FAM117A: variants seen among roughly 807,000 people sequenced by gnomAD.
FAM117A encodes protein FAM117A.
In FAM117A, 21 loss-of-function variants were observed where a neutral mutation model predicts 44.1. The ratio of observed to expected loss-of-function variants is 0.48; its 90% CI spans 0.34 to 0.69. FAM117A has a LOEUF of 0.69. Among genes scored for constraint, FAM117A ranks in the 30% least tolerant of loss-of-function variants. The pLI, the probability that FAM117A is intolerant of heterozygous loss-of-function variation, is 0.01. For synonymous variants in FAM117A, 220 were observed against 238.3 expected, an observed-to-expected ratio of 0.92 and a Z score of 0.71; for missense variants, 498 against 589.9, an observed-to-expected ratio of 0.84 and a Z score of 1.61.
intron 1 of FAM117A, among the ~76,000 whole-genome samples, chr17:49,745,567 A>G (rs1472672155): frequency 1.3e-5 from 2 of 152,216 alleles, no homozygotes; most frequent in East Asian, 1.9e-4. Flanking sequence ...GTGACATTTT[A>G]TGAAGTACAT....
intron 1 of FAM117A, among the ~76,000 whole-genome samples, chr17:49,778,179 G>A: frequency 6.6e-6 from 1 of 152,072 alleles, no homozygotes. Flanking sequence ...TTTTGCCTCT[G>A]GGGTTTCCCA....
At chr17:49,763,430 C>CA (rs2073730555) in intron 1 of FAM117A, among the ~76,000 whole-genome samples, 1 of 152,012 alleles carries the variant, frequency 6.6e-6, no homozygotes, top group Non-Finnish European at 1.5e-5. Flanking sequence ...GGAGAAGTAA[C>CA]ACACGGCTGC....
Position 49,751,802 on chromosome 17 carries a change from G to A in FAM117A, c.196+12090C>T, listed in dbSNP as rs777129118. Among the ~76,000 whole-genome samples the A allele has an allele frequency of 2.5e-4, 37 of 150,554 alleles. 1 individual carries two copies. The highest frequency in any genetic ancestry group is 2.1e-3 in the South Asian group (10 of 4,776). ...TACTAAAAATACAAAAAAATTAGCC[G>A]GCATGGTGGCGGGTGTCTGTAATCC... On this transcript the variant is annotated intron_variant, in intron 1 of 7. Transcript: ENST00000240364.
chr17:49,750,075 A>C (rs2073670214), intron 1 of FAM117A, among the ~76,000 whole-genome samples: 1 of 148,902 alleles, frequency 6.7e-6, no homozygotes, highest in African/African-American at 2.4e-5. Flanking sequence ...TCCATGTGTT[A>C]AGTATCTTCT....
chr17:49,744,901 C>T (rs1190979885), intron 1 of FAM117A, among the ~76,000 whole-genome samples: 5 of 150,226 alleles, frequency 3.3e-5, no homozygotes, highest in African/African-American at 1.2e-4. Context: ...GTAGGCCCAA[C>T]TACTCTGGAG....
At chr17:49,715,064 C>T (rs1054274816) in intron 7 of FAM117A, among the ~76,000 whole-genome samples, 5 of 152,170 alleles carry the variant, frequency 3.3e-5, no homozygotes, top group Non-Finnish European at 7.3e-5. Context: ...TTAATTTCCA[C>T]CCACATTTCC....
At chr17:49,731,810 G>C (rs567609061) in intron 2 of FAM117A, among the ~76,000 whole-genome samples, 1 of 152,016 alleles carries the variant, frequency 6.6e-6, no homozygotes, top group African/African-American at 2.4e-5. Context: ...TTTTGAGATG[G>C]AGTCTTGCTC....
At chr17:49,757,341 G>A (rs1197448098) in intron 1 of FAM117A, among the ~76,000 whole-genome samples, 1 of 152,132 alleles carries the variant, frequency 6.6e-6, no homozygotes, top group Non-Finnish European at 1.5e-5. Context: ...TGAAATACTT[G>A]GATAGCATTC....
At chr17:49,742,378 G>A (rs1054706430) in intron 1 of FAM117A, among the ~76,000 whole-genome samples, 3 of 152,206 alleles carry the variant, frequency 2.0e-5, no homozygotes, top group African/African-American at 7.2e-5. Flanking sequence ...CTTTGTAACA[G>A]TAAGGAGAAA....
intron 1 of FAM117A, among the ~76,000 whole-genome samples, chr17:49,784,002 C>T (rs1301953163): frequency 6.6e-6 from 1 of 152,162 alleles, no homozygotes; most frequent in Non-Finnish European, 1.5e-5. Flanking sequence ...TTGGTGCCAC[C>T]CCAATTACTA....
chr17:49,727,699 G>A (rs962937632), intron 2 of FAM117A, among the ~76,000 whole-genome samples: 3 of 152,134 alleles, frequency 2.0e-5, no homozygotes, highest in African/African-American at 4.8e-5. Context: ...GAGGAGGGGC[G>A]GGATGAAGCT....
chr17:49,771,690 C>T (rs888456287), intron 1 of FAM117A, among the ~76,000 whole-genome samples: 1 of 152,164 alleles, frequency 6.6e-6, no homozygotes, highest in Non-Finnish European at 1.5e-5. Context: ...AGTGCCTTAG[C>T]AGGAACAGTC....
At chr17:49,731,337 G>C (rs1202222504) in intron 2 of FAM117A, among the ~76,000 whole-genome samples, 2 of 152,230 alleles carry the variant, frequency 1.3e-5, no homozygotes, top group African/African-American at 4.8e-5. Flanking sequence ...TTGCTCTGAA[G>C]ATGAACAAGA....
At chr17:49,776,280 TA>T (rs555855880) in intron 1 of FAM117A, among the ~76,000 whole-genome samples, 1 of 152,126 alleles carries the variant, frequency 6.6e-6, no homozygotes, top group East Asian at 1.9e-4. Context: ...ACAGAGAGGT[TA>T]AAAAATGTAT....
Position 49,786,646 on chromosome 17 carries a change from G to A in FAM117A, c.-621+1851C>T, listed in dbSNP as rs58552986. Among the ~76,000 whole-genome samples the A allele has an allele frequency of 8.6e-3, 1,314 of 152,158 alleles. 20 individuals carry two copies. The highest frequency in any genetic ancestry group is 0.03 in the African/African-American group (1,233 of 41,490). Reference sequence around the variant, plus strand: ...ACAAAAAGTAGCCACATGTGGTGGCGGGCGCCTGTAATCTCAGCTACTCGG... The same window carrying A: ...ACAAAAAGTAGCCACATGTGGTGGCAGGCGCCTGTAATCTCAGCTACTCGG... On this transcript the variant is annotated intron_variant, in intron 1 of 7. Coordinates refer to the FAM117A transcript ENST00000513602.
At chr17:49,774,058 G>A (rs2073769219) in intron 1 of FAM117A, among the ~76,000 whole-genome samples, 1 of 151,908 alleles carries the variant, frequency 6.6e-6, no homozygotes, top group South Asian at 2.1e-4. Context: ...CTAGCCTTAA[G>A]GTAGCTTTAT....
intron 1 of FAM117A, among the ~76,000 whole-genome samples, chr17:49,761,596 T>C (rs2073722656): frequency 6.6e-6 from 1 of 152,196 alleles, no homozygotes; most frequent in Non-Finnish European, 1.5e-5. Flanking sequence ...AACCTGGATT[T>C]AAAACCCAGG....
Position 49,711,223 on chromosome 17 carries a change from C to T in FAM117A, c.*32G>A, listed in dbSNP as rs2073475723. 1.3e-6 allele frequency: 2 copies of T among 1,555,188 alleles called. No homozygotes were observed. The highest frequency in any genetic ancestry group is 1.4e-5 in the African/African-American group (1 of 73,198). ...AGGGACCTGCCACCAAGGCACTGGT[C>T]TCTATGGTAAAGTGGGGCAGGGGTG... On this transcript the variant is annotated 3_prime_UTR_variant, in exon 8 of 8. Transcript: ENST00000240364.
At chr17:49,721,963 G>C (rs1312668770) in intron 3 of FAM117A, among the ~76,000 whole-genome samples, 1 of 152,072 alleles carries the variant, frequency 6.6e-6, no homozygotes, top group African/African-American at 2.4e-5. Context: ...GGTGGCTGTG[G>C]TGGTGGGTGC....
Sources: allele counts gnomAD v4.1 joint callset (sites outside exome capture counted in the v4.1 genomes callset), GRCh38; gene constraint gnomAD v4.1.1; transcripts MANE v1.5; gene names NCBI Gene and HGNC (gene_info 2026-07-23, HGNC 2026-07-21).